UNKL: variants seen among roughly 807,000 people sequenced by gnomAD.
UNKL encodes the protein putative E3 ubiquitin-protein ligase UNKL.
UNKL carries 60 observed loss-of-function variants against 78.0 expected under a neutral mutation model. The ratio of observed to expected loss-of-function variants is 0.77; its 90% CI spans 0.63 to 0.95. The LOEUF (loss-of-function observed/expected upper bound fraction) is 0.95, where lower values mean the gene tolerates loss of function less well. Among genes scored for constraint, UNKL ranks in the 40% least tolerant of loss-of-function variants. UNKL has a pLI of 0.00. For missense variants in UNKL, 1,159 were observed against 1,045.7 expected (o/e 1.11, Z -1.49); for synonymous variants, 608 against 474.8 (o/e 1.28, Z -3.65).
chr16:1,367,815 G>C lies in UNKL; in HGVS notation c.1629C>G (p.Gly543=). 6.3e-7 allele frequency: 1 copy of C among 1,575,720 alleles called. No individual in the cohort carries two copies. The highest frequency in any genetic ancestry group is 8.6e-7 in the Non-Finnish European group (1 of 1,161,706). Residue 543 remains glycine, a synonymous_variant, in exon 13 of 15, where the codon GGC becomes GGG. Coordinates refer to ENST00000389221, the MANE Select transcript of UNKL (RefSeq NM_001372107.1). The part of the protein sequence containing the change: ...VPGSIWDFVS[G]SFSPSPSPIL... ...TGGGGGAGGGGCTGGGGGAGAAGCT[G>C]CCGGAAACAAAGTCCCAGATGCTCC...
intron 10 of UNKL, among the ~76,000 whole-genome samples, chr16:1,377,858 C>T (rs541471179): frequency 2.6e-5 from 4 of 152,270 alleles, no homozygotes; most frequent in African/African-American, 9.6e-5. Flanking sequence ...ATCCCTTCCT[C>T]ATGGGCTGCT....
chr16:1,410,015 G>A (rs1010121061), intron 2 of UNKL, among the ~76,000 whole-genome samples: 5 of 152,146 alleles, frequency 3.3e-5, no homozygotes, highest in Admixed American at 1.3e-4. Context: ...AGGAGGCAGA[G>A]GATACAGGAG....
intron 14 of UNKL, among the ~76,000 whole-genome samples, chr16:1,366,729 C>G (rs1369617005): frequency 2.0e-5 from 3 of 152,176 alleles, no homozygotes; most frequent in Admixed American, 1.3e-4. Context: ...GCAGCGAGTC[C>G]AAGAGCCCAC....
intron 7 of UNKL, 78 bp from the exon 8 acceptor site, chr16:1,393,054 G>A: frequency 1.1e-5 from 16 of 1,422,238 alleles, no homozygotes; most frequent in Admixed American, 3.9e-5. Flanking sequence ...CGCACCACAC[G>A]TCAGGGCCGA....
At position 1,372,888 on chromosome 16, in the gene UNKL, A is replaced by G. The variant is rs1432427830; in HGVS notation, c.1265-1277T>C. 2.8e-4 allele frequency among the ~76,000 whole-genome samples: 31 copies of G among 110,982 alleles called. 1 individual carries two copies. Among genetic ancestry groups the G allele is most frequent in the African/African-American group, 5.1e-4 (15 of 29,188 alleles). The allele number at this position is 110,982 out of a possible 152,430, so 72.8% of individuals were successfully genotyped here. A position where few individuals can be genotyped will look rare whatever the true frequency, so the allele number is the denominator to read the frequency against. On this transcript the variant is annotated intron_variant, in intron 10 of 14. Transcript: ENST00000389221. ...AGACCTCAGCAGCGTGGAGCACACC[A>G]CACAGGGACTGCCGGCCAACACCGC...
At position 1,398,762 on chromosome 16, in the gene UNKL, A is replaced by G. The variant is rs114718544; in HGVS notation, c.734+612T>C. 2.5e-3 allele frequency: 3,444 copies of G among 1,355,266 alleles called. 61 individuals are homozygous for G. The African/African-American group carries it at 0.045, about 18-fold the overall frequency. 84.0% of individuals were successfully genotyped at this position (1,355,266 alleles called of 1,614,324 possible). ...CACAACCAGAAGGCCGGGCTGGAGC[A>G]AGGAGGAGAAAGGGGCTTCAGAGGC... On this transcript the variant is annotated intron_variant, in intron 5 of 14. Coordinates refer to ENST00000389221, the MANE Select transcript of UNKL (RefSeq NM_001372107.1).
In UNKL at chr16:1,363,211, T is replaced by A; in HGVS notation, c.*3029A>T. 1 of 841,652 alleles carries A rather than the reference T, an allele frequency of 1.2e-6. No homozygotes were observed. Among genetic ancestry groups the A allele is most frequent in the Non-Finnish European group, 2.0e-6 (1 of 512,054 alleles). The allele number at this position is 841,652 out of a possible 1,614,324, so 52.1% of individuals were successfully genotyped here. A position where few individuals can be genotyped will look rare whatever the true frequency, so the allele number is the denominator to read the frequency against. The stretch of plus-strand genomic sequence containing the variant: ...TCAGAGAAGCAGACAAAACAAAGAT[T>A]CAAGGTTTTAATTAATTCCCATACT... On this transcript the variant is annotated 3_prime_UTR_variant, in exon 15 of 15. Transcript: ENST00000389221.
chr16:1,376,365 T>TC (rs2036225599), intron 10 of UNKL, among the ~76,000 whole-genome samples: 2 of 143,374 alleles, frequency 1.4e-5, no homozygotes, highest in Admixed American at 1.4e-4. Context: ...GGGGTGCTCC[T>TC]CTTCCCTCCT....
At chr16:1,386,220 C>T (rs1399839175) in intron 9 of UNKL, among the ~76,000 whole-genome samples, 1 of 152,020 alleles carries the variant, frequency 6.6e-6, no homozygotes, top group Non-Finnish European at 1.5e-5. Flanking sequence ...ACCAGCCTGG[C>T]CAACATGGCG....
At chr16:1,398,915 C>G (rs1333808221) in intron 5 of UNKL, 2 of 1,563,446 alleles carry the variant, frequency 1.3e-6, no homozygotes, top group Non-Finnish European at 1.7e-6. Context: ...GGGACTCAGC[C>G]TAAGGACCCG....
rs1243248584 is a variant in UNKL at position 1,387,010 on chromosome 16, C to T, written c.1087-1625G>A. Among the ~76,000 whole-genome samples, 3 of 152,178 alleles carry T rather than the reference C, an allele frequency of 2.0e-5. No individual in the cohort carries two copies. Among genetic ancestry groups the T allele is most frequent in the African/African-American group, 7.2e-5 (3 of 41,438 alleles). Reference sequence around the variant, plus strand: ...CACTTTTCCTCAAGCCATGAAAAAACGGACCACAGTCCACCCCGTGAGCAT... The same window carrying T: ...CACTTTTCCTCAAGCCATGAAAAAATGGACCACAGTCCACCCCGTGAGCAT... On this transcript the variant is annotated intron_variant, in intron 9 of 14. Transcript: ENST00000389221. This position sits in a 1 kb window ranked among gnomAD's most constrained non-coding sequence, Gnocchi z 4.1.
intron 10 of UNKL, among the ~76,000 whole-genome samples, chr16:1,379,871 G>C (rs80077496): frequency 0.022 from 3,365 of 152,280 alleles, 129 homozygotes; most frequent in African/African-American, 0.076. Flanking sequence ...GCGGGGGCCA[G>C]AGGTCTTCAG....
intron 11 of UNKL, among the ~76,000 whole-genome samples, chr16:1,370,699 C>T (rs760377428): frequency 1.3e-5 from 2 of 152,250 alleles, no homozygotes; most frequent in Non-Finnish European, 2.9e-5. Context: ...AGCACTTGTC[C>T]AGGCCCCCTG....
At chr16:1,367,387 C>T (rs1339192047) in intron 13 of UNKL, 38 bp from the exon 14 acceptor site, 1 of 1,509,868 alleles carries the variant, frequency 6.6e-7, no homozygotes, top group South Asian at 1.3e-5. Flanking sequence ...CCCCACCTCA[C>T]CTGTGCCACC....
At chr16:1,404,545 C>A (rs2037665107) in intron 2 of UNKL, among the ~76,000 whole-genome samples, 1 of 152,116 alleles carries the variant, frequency 6.6e-6, no homozygotes, top group Non-Finnish European at 1.5e-5. Context: ...TCTCAGGGTC[C>A]CCAGGAGCCA....
intron 10 of UNKL, among the ~76,000 whole-genome samples, chr16:1,377,641 C>T (rs2036333222): frequency 6.6e-6 from 1 of 152,132 alleles, no homozygotes; most frequent in Admixed American, 6.5e-5. Flanking sequence ...CTCCCAGGCC[C>T]ACCCTCCTCC....
chr16:1,395,210 C>T (rs1340060470), intron 6 of UNKL, among the ~76,000 whole-genome samples: 1 of 148,820 alleles, frequency 6.7e-6, no homozygotes, highest in African/African-American at 2.5e-5. Flanking sequence ...CTCTGTCGCC[C>T]AGGCTGGAGT....
chr16:1,383,672 G>A, intron 10 of UNKL: 1 of 420,236 alleles, frequency 2.4e-6, no homozygotes, highest in South Asian at 1.6e-5. Flanking sequence ...TTCCGTGTGG[G>A]GCAACCACCA....
intron 3 of UNKL, 126 bp from the exon 4 acceptor site, chr16:1,401,827 C>T (rs529638525): frequency 6.5e-5 from 88 of 1,351,332 alleles, no homozygotes; most frequent in Admixed American, 6.1e-4. Flanking sequence ...GGGTTCAGGA[C>T]GGAGTCTCAG....
Sources: gnomAD v4.1 joint callset for allele counts (sites outside exome capture counted in the v4.1 genomes callset) on GRCh38, gnomAD v4.1.1 for gene constraint, Gnocchi (gnomAD v3.1) non-coding constraint, MANE v1.5 for transcripts, NCBI Gene and HGNC (gene_info 2026-07-23, HGNC 2026-07-21) for gene names.